The following KCNJ15 variants were observed in gnomAD, a reference collection of about 807,000 sequenced individuals.
KCNJ15 encodes potassium inwardly rectifying channel subfamily J member 15.
Under a neutral mutation model 23.0 loss-of-function variants are expected in KCNJ15, and 14 were observed. That is an observed-to-expected ratio of 0.61 (90% confidence interval 0.40 to 0.95). The LOEUF (loss-of-function observed/expected upper bound fraction) is 0.95. KCNJ15 is among the 40% of genes least tolerant of loss of function. KCNJ15 has a pLI of 0.00. For missense variants in KCNJ15, 388 were observed against 461.8 expected (o/e 0.84, Z 1.46); for synonymous variants, 185 against 183.2 (o/e 1.01, Z -0.08).
At chr21:38,244,726 G>GT (rs1458862541) in intron 1 of KCNJ15, among the ~76,000 whole-genome samples, 3 of 152,128 alleles carry the variant, frequency 2.0e-5, no homozygotes, top group Admixed American at 1.3e-4. Flanking sequence ...AAGGACTCAA[G>GT]TAAGTTGGGG....
intron 1 of KCNJ15, among the ~76,000 whole-genome samples, chr21:38,236,026 C>A (rs1228972159): frequency 6.6e-6 from 1 of 151,994 alleles, no homozygotes; most frequent in East Asian, 1.9e-4. Context: ...GTATTATTTC[C>A]TTTTGCCCAT....
At chr21:38,294,542 G>A (rs879299362) in intron 1 of KCNJ15, among the ~76,000 whole-genome samples, 6 of 152,170 alleles carry the variant, frequency 3.9e-5, no homozygotes, top group Admixed American at 2.6e-4. Context: ...AACGCAGAAT[G>A]AAGTTTTCTC....
chr21:38,299,696 G>C lies in KCNJ15; in HGVS notation c.435G>C (p.Leu145=). The change falls in exon 3 of 3, where the codon CTG becomes CTC. Residue 145 remains leucine, a synonymous_variant. Transcript: ENST00000398938. The surrounding 1 kb of genome is among the most constrained non-coding windows in gnomAD (Gnocchi z 4.5). ...AGGAATGTCCTCATGCCATCTTCCT[G>C]TTGGTTGCTCAGTTGGTCATCACGA... ...ITEECPHAIF[L]LVAQLVITTL... is the part of the protein sequence containing the mutation. 6.2e-7 allele frequency: 1 copy of C among 1,614,132 alleles called. No individual in the cohort carries two copies.
At chr21:38,292,884 G>T (rs368426555) in intron 1 of KCNJ15, among the ~76,000 whole-genome samples, 1 of 150,642 alleles carries the variant, frequency 6.6e-6, no homozygotes, top group East Asian at 2.0e-4. Flanking sequence ...CAGGAGAGTC[G>T]CTTGAACCCA....
chr21:38,296,146 T>G (rs998262896), intron 1 of KCNJ15, among the ~76,000 whole-genome samples: 15 of 152,090 alleles, frequency 9.9e-5, no homozygotes, highest in Non-Finnish European at 2.1e-4. Context: ...GATCAATAAT[T>G]GACAGATGAT....
chr21:38,281,361 T>C (rs1217456899), intron 1 of KCNJ15, among the ~76,000 whole-genome samples: 1 of 152,148 alleles, frequency 6.6e-6, no homozygotes, highest in African/African-American at 2.4e-5. Flanking sequence ...CGAGGTTTGG[T>C]GTATAAATCC....
At chr21:38,251,655 C>G (rs549002627) in intron 1 of KCNJ15, among the ~76,000 whole-genome samples, 1 of 152,268 alleles carries the variant, frequency 6.6e-6, no homozygotes, top group East Asian at 1.9e-4. Flanking sequence ...TTTCATTTTC[C>G]AATTATTTTT....
intron 1 of KCNJ15, among the ~76,000 whole-genome samples, chr21:38,239,679 G>A (rs560722407): frequency 1.1e-4 from 16 of 152,326 alleles, no homozygotes; most frequent in South Asian, 6.2e-4. Flanking sequence ...ACGAGAAATC[G>A]TAGGTCTGCC....
chr21:38,281,144 G>A lies in KCNJ15; in HGVS notation c.-116-15782G>A, dbSNP rs76879811. ...GAGCCCTCAGGGAATTCGTATGCAA[G>A]TTTAATCAGTATTGGTGTGAAGCAA... On this transcript the variant is annotated intron_variant, in intron 1 of 2. Transcript: ENST00000398938. Among the ~76,000 whole-genome samples, 590 of 152,244 alleles carry A rather than the reference G, an allele frequency of 3.9e-3. 9 individuals carry two copies. Among genetic ancestry groups the A allele is most frequent in the African/African-American group, 0.013 (558 of 41,498 alleles).
chr21:38,243,786 G>A (rs1979173902), intron 1 of KCNJ15, among the ~76,000 whole-genome samples: 1 of 152,316 alleles, frequency 6.6e-6, no homozygotes, highest in South Asian at 2.1e-4. Context: ...TAAACAATTT[G>A]TGAACAAATG....
At chr21:38,244,243 G>C (rs987531452) in intron 1 of KCNJ15, among the ~76,000 whole-genome samples, 2 of 152,136 alleles carry the variant, frequency 1.3e-5, no homozygotes, top group Admixed American at 6.5e-5. Flanking sequence ...GGGAAAGAAA[G>C]AATTGTACCA....
chr21:38,288,026 C>CTTTCTTTTTTTTTTTT (rs1171718120), intron 1 of KCNJ15, among the ~76,000 whole-genome samples: 1 of 78,170 alleles, frequency 1.3e-5, no homozygotes, highest in African/African-American at 5.1e-5. Context: ...TTGTTTTTTT[C>CTTTCTTTTTTTTTTTT]TTTGTTTTTT....
At chr21:38,246,734 C>G (rs1041268908) in intron 1 of KCNJ15, among the ~76,000 whole-genome samples, 13 of 152,178 alleles carry the variant, frequency 8.5e-5, no homozygotes, top group Non-Finnish European at 1.6e-4. Flanking sequence ...ACAATACTTG[C>G]ACCTGGCTGG....
intron 1 of KCNJ15, among the ~76,000 whole-genome samples, chr21:38,250,068 T>A (rs1979718646): frequency 6.6e-6 from 1 of 152,202 alleles, no homozygotes; most frequent in South Asian, 2.1e-4. Flanking sequence ...TGGGCTGAGA[T>A]CTTTCACTTT....
chr21:38,282,116 A>G (rs13046434), intron 1 of KCNJ15, among the ~76,000 whole-genome samples: 3,687 of 152,124 alleles, frequency 0.024, 65 homozygotes, highest in South Asian at 0.038. Context: ...AAATGGAGCA[A>G]TATGTTTTTT....
intron 1 of KCNJ15, among the ~76,000 whole-genome samples, chr21:38,243,456 G>A (rs1979145602): frequency 1.4e-5 from 1 of 69,258 alleles, no homozygotes; most frequent in Admixed American, 1.3e-4. Flanking sequence ...TTGAGATGGA[G>A]TATCACCCAG....
Position 38,300,068 on chromosome 21 carries a change from C to T in KCNJ15, c.807C>T (p.Pro269=), listed in dbSNP as rs768306794. ...CGAGCCCCCTGAGAGACCTCACACCCCAAAACCTAAAGGAGAAGGAGTTTG... is the reference window on the plus strand; with the variant it reads ...CGAGCCCCCTGAGAGACCTCACACCTCAAAACCTAAAGGAGAAGGAGTTTG... ...DETSPLRDLT[P]QNLKEKEFEL... The change falls in exon 3 of 3, where the codon CCC becomes CCT. Residue 269 remains proline (P), a synonymous_variant. Coordinates refer to ENST00000398938, the MANE Select transcript of KCNJ15 (RefSeq NM_170736.3). 6.2e-7 allele frequency: 1 copy of T among 1,614,116 alleles called. No homozygotes were observed. The highest frequency in any genetic ancestry group is 1.7e-5 in the Admixed American group (1 of 60,014).
intron 1 of KCNJ15, chr21:38,272,279 T>C (rs926996461): frequency 3.3e-5 from 5 of 152,238 alleles, no homozygotes; most frequent in African/African-American, 1.2e-4. Context: ...ACTGAAGCCA[T>C]GTGCCAGAAG....
At chr21:38,269,986 C>T (rs907813684) in intron 1 of KCNJ15, among the ~76,000 whole-genome samples, 2 of 152,188 alleles carry the variant, frequency 1.3e-5, no homozygotes, top group African/African-American at 4.8e-5. Flanking sequence ...CAAGGCCCCC[C>T]GCCCTGTTCA....
Sources: gnomAD v4.1 joint callset for allele counts (sites outside exome capture counted in the v4.1 genomes callset) on GRCh38, gnomAD v4.1.1 for gene constraint, Gnocchi (gnomAD v3.1) non-coding constraint, MANE v1.5 for transcripts, NCBI Gene and HGNC (gene_info 2026-07-23, HGNC 2026-07-21) for gene names.